Variants in SPHKAP observed in about 807,000 individuals in gnomAD.
The protein encoded by SPHKAP is A-kinase anchor protein SPHKAP.
SPHKAP carries 67 observed loss-of-function variants against 137.5 expected under a neutral mutation model. That is an observed-to-expected ratio of 0.49 (90% CI 0.40 to 0.60). The LOEUF is 0.60. Among genes scored for constraint, SPHKAP ranks in the 20% least tolerant of loss-of-function variants. SPHKAP has a pLI of 0.00. For synonymous variants in SPHKAP, 813 were observed against 785.3 expected (o/e 1.04, Z -0.59); for missense variants, 2,097 against 2,069.3 (o/e 1.01, Z -0.26).
intron 3 of SPHKAP, among the ~76,000 whole-genome samples, chr2:228,091,663 A>T (rs558938822): frequency 5.3e-5 from 8 of 152,304 alleles, no homozygotes; most frequent in South Asian, 2.1e-4. Flanking sequence ...AAACATTTTT[A>T]AAAAATGCTC....
intron 1 of SPHKAP, among the ~76,000 whole-genome samples, chr2:228,134,218 A>AAGG: frequency 2.4e-5 from 3 of 125,738 alleles, no homozygotes; most frequent in Admixed American, 7.9e-5. Flanking sequence ...GGAAGGAAGG[A>AAGG]AGGGAAGGAG....
At chr2:228,077,770 A>G (rs1156547863) in intron 3 of SPHKAP, among the ~76,000 whole-genome samples, 1 of 152,128 alleles carries the variant, frequency 6.6e-6, no homozygotes, top group Non-Finnish European at 1.5e-5. Flanking sequence ...GGAAGGCATG[A>G]TTGGTTTTGA....
At chr2:228,096,248 A>G (rs754403250) in intron 3 of SPHKAP, among the ~76,000 whole-genome samples, 1 of 152,198 alleles carries the variant, frequency 6.6e-6, no homozygotes, top group African/African-American at 2.4e-5. Flanking sequence ...GGGCAGATGT[A>G]GAAGACTTTG....
chr2:228,108,546 C>A (rs1425639436), intron 3 of SPHKAP, among the ~76,000 whole-genome samples: 1 of 152,034 alleles, frequency 6.6e-6, no homozygotes, highest in African/African-American at 2.4e-5. Context: ...CTTTCTACTT[C>A]TCATCATACA....
At chr2:228,160,940 G>C (rs1700255746) in intron 1 of SPHKAP, among the ~76,000 whole-genome samples, 1 of 152,202 alleles carries the variant, frequency 6.6e-6, no homozygotes, top group Non-Finnish European at 1.5e-5. Context: ...ACATTTGTCA[G>C]ATCTGACATT....
intron 1 of SPHKAP, among the ~76,000 whole-genome samples, chr2:228,141,884 G>A (rs1351286115): frequency 6.6e-6 from 1 of 152,050 alleles, no homozygotes; most frequent in Admixed American, 6.6e-5. Context: ...AAATTTAATG[G>A]TTACATTAAA....
At chr2:228,163,918 GA>G (rs1325179645) in intron 1 of SPHKAP, among the ~76,000 whole-genome samples, 2 of 152,178 alleles carry the variant, frequency 1.3e-5, no homozygotes, top group African/African-American at 4.8e-5. Context: ...TGATTGGATT[GA>G]AAGATGCCTT....
chr2:228,104,458 C>T (rs1191406703), intron 3 of SPHKAP, among the ~76,000 whole-genome samples: 1 of 149,860 alleles, frequency 6.7e-6, no homozygotes, highest in Non-Finnish European at 1.5e-5. Context: ...AGTCTAGATT[C>T]TTCCATAGAA....
chr2:228,128,591 C>G (rs1463897355), intron 2 of SPHKAP, among the ~76,000 whole-genome samples: 1 of 152,078 alleles, frequency 6.6e-6, no homozygotes, highest in Non-Finnish European at 1.5e-5. Context: ...GATTTTCTAT[C>G]TACTTTGCCC....
At chr2:228,092,543 CAT>C (rs1316790420) in intron 3 of SPHKAP, among the ~76,000 whole-genome samples, 5 of 89,006 alleles carry the variant, frequency 5.6e-5, no homozygotes, top group African/African-American at 2.2e-4. Flanking sequence ...ATATATGTGC[CAT>C]ATATATGTGT....
chr2:228,175,851 A>C (rs1231434087), intron 1 of SPHKAP, among the ~76,000 whole-genome samples: 3 of 152,208 alleles, frequency 2.0e-5, no homozygotes, highest in Non-Finnish European at 4.4e-5. Context: ...AAAGGAAGAC[A>C]GGATATCTAT....
chr2:228,079,884 G>A (rs76664130), intron 3 of SPHKAP, among the ~76,000 whole-genome samples: 1,533 of 152,260 alleles, frequency 0.01, 42 homozygotes, highest in African/African-American at 0.035. Context: ...GCCCCTAAAC[G>A]CTAGCAGCAA....
chr2:228,111,779 C>A (rs963502453), intron 2 of SPHKAP, among the ~76,000 whole-genome samples: 1 of 151,876 alleles, frequency 6.6e-6, no homozygotes, highest in African/African-American at 2.4e-5. Context: ...GAATTTCTGC[C>A]CCAAATTGTT....
chr2:228,064,206 G>T (rs1272543802), intron 3 of SPHKAP, among the ~76,000 whole-genome samples: 1 of 152,066 alleles, frequency 6.6e-6, no homozygotes, highest in Non-Finnish European at 1.5e-5. Flanking sequence ...ACATATTAAG[G>T]CTTGGCAGTT....
chr2:228,112,923 T>C (rs1454277389), intron 2 of SPHKAP, among the ~76,000 whole-genome samples: 1 of 152,190 alleles, frequency 6.6e-6, no homozygotes, highest in Non-Finnish European at 1.5e-5. Context: ...GAAAGATTTC[T>C]CATTTGACTC....
intron 1 of SPHKAP, among the ~76,000 whole-genome samples, chr2:228,173,255 G>C (rs1239128537): frequency 6.6e-6 from 1 of 152,190 alleles, no homozygotes; most frequent in Non-Finnish European, 1.5e-5. Context: ...TGTGTCATTT[G>C]ATGGCCAGAA....
At chr2:228,150,655 G>T in intron 1 of SPHKAP, among the ~76,000 whole-genome samples, 1 of 150,686 alleles carries the variant, frequency 6.6e-6, no homozygotes, top group Admixed American at 6.6e-5. Flanking sequence ...TGTTTTATGG[G>T]CTTCTACCCC....
At position 228,017,666 on chromosome 2, in the gene SPHKAP, C is replaced by T; in HGVS notation, c.3188G>A (p.Gly1063Asp). 6.2e-7 allele frequency: 1 copy of T among 1,613,966 alleles called. No individual in the cohort carries two copies. Among genetic ancestry groups the T allele is most frequent in the Non-Finnish European group, 8.5e-7 (1 of 1,180,012 alleles). The change falls in exon 7 of 12, where the codon GGC becomes GAC. Residue 1063 changes from glycine to aspartate, a missense_variant. Transcript: ENST00000392056. ...SMVDGMWQAQGYPRNRLLSGD... is the reference protein window; with the variant it reads ...SMVDGMWQAQDYPRNRLLSGD... ...ACTCAGTAACCGATTCCGGGGATAGCCCTGCGCCTGCCACATGCCGTCCAC... is the reference window on the plus strand; with the variant it reads ...ACTCAGTAACCGATTCCGGGGATAGTCCTGCGCCTGCCACATGCCGTCCAC...
chr2:228,090,933 T>C (rs1014031223), intron 3 of SPHKAP, among the ~76,000 whole-genome samples: 1 of 152,204 alleles, frequency 6.6e-6, no homozygotes, highest in Non-Finnish European at 1.5e-5. Flanking sequence ...CTTGATAAAT[T>C]ACCCAGTCTC....
Sources: gnomAD v4.1 joint callset for allele counts (sites outside exome capture counted in the v4.1 genomes callset) on GRCh38, gnomAD v4.1.1 for gene constraint, MANE v1.5 for transcripts, NCBI Gene and HGNC (gene_info 2026-07-23, HGNC 2026-07-21) for gene names.